Variants in SBF2 observed in about 807,000 individuals in gnomAD.
SBF2 encodes SET binding factor 2.
A neutral mutation model predicts 225.2 loss-of-function variants in SBF2; 112 were observed. The ratio of observed to expected loss-of-function variants is 0.50; its 90% confidence interval spans 0.43 to 0.58. The LOEUF (loss-of-function observed/expected upper bound fraction) is 0.58, where lower values mean the gene tolerates loss of function less well. Ranked by LOEUF, SBF2 falls within the 20% of genes least tolerant of loss-of-function variation. The pLI, the probability that SBF2 is intolerant of heterozygous loss-of-function variation, is 0.00. For missense variants in SBF2, 1,996 were observed against 2,206.2 expected, an observed-to-expected ratio of 0.90 and a Z score of 1.91; for synonymous variants, 763 against 773.3, an observed-to-expected ratio of 0.99 and a Z score of 0.22.
intron 3 of SBF2, among the ~76,000 whole-genome samples, chr11:10,037,598 C>G (rs1190055960): frequency 6.6e-6 from 1 of 151,804 alleles, no homozygotes; most frequent in Non-Finnish European, 1.5e-5. Flanking sequence ...ATTAATTAAA[C>G]CTACCTATAT....
chr11:10,137,735 G>C (rs181855830), intron 2 of SBF2, among the ~76,000 whole-genome samples: 1 of 152,216 alleles, frequency 6.6e-6, no homozygotes, highest in Admixed American at 6.5e-5. Flanking sequence ...GGCCGGGCGC[G>C]GTGGTTCACG....
intron 17 of SBF2, among the ~76,000 whole-genome samples, chr11:9,871,302 A>T (rs1858714235): frequency 6.6e-6 from 1 of 151,752 alleles, no homozygotes; most frequent in Non-Finnish European, 1.5e-5. Flanking sequence ...ACTTACAAGA[A>T]AAAAAGACCC....
At chr11:10,055,197 C>T (rs562616483) in intron 2 of SBF2, among the ~76,000 whole-genome samples, 99 of 152,076 alleles carry the variant, frequency 6.5e-4, no homozygotes, top group African/African-American at 2.2e-3. Flanking sequence ...CCACCAAGCC[C>T]GGTCAGAATG....
intron 1 of SBF2, among the ~76,000 whole-genome samples, chr11:10,195,047 G>A (rs1295721457): frequency 6.6e-6 from 1 of 152,180 alleles, no homozygotes; most frequent in African/African-American, 2.4e-5. Context: ...TACTGTTACT[G>A]GTTAAAGTTT....
intron 14 of SBF2, among the ~76,000 whole-genome samples, chr11:9,965,387 C>G (rs1327159495): frequency 2.7e-5 from 4 of 147,470 alleles, no homozygotes; most frequent in African/African-American, 2.5e-5. Context: ...CTCCCAGGTT[C>G]AAGTGATTCT....
At chr11:10,018,727 C>G (rs1308831142) in intron 6 of SBF2, among the ~76,000 whole-genome samples, 1 of 152,176 alleles carries the variant, frequency 6.6e-6, no homozygotes, top group African/African-American at 2.4e-5. Flanking sequence ...GCATAGTACA[C>G]CAGTCAACAA....
chr11:10,265,040 A>G (rs748162256), intron 1 of SBF2, among the ~76,000 whole-genome samples: 5 of 152,168 alleles, frequency 3.3e-5, no homozygotes, highest in African/African-American at 4.8e-5. Context: ...CGCAGTAAAC[A>G]TACGTGTGCA....
intron 1 of SBF2, among the ~76,000 whole-genome samples, chr11:10,223,864 G>A (rs147729229): frequency 3.3e-5 from 5 of 152,130 alleles, no homozygotes; most frequent in South Asian, 2.1e-4. Flanking sequence ...GCAGATACTC[G>A]CAAGACTTGA....
chr11:9,931,971 C>T (rs1182010122), intron 16 of SBF2, among the ~76,000 whole-genome samples: 2 of 152,028 alleles, frequency 1.3e-5, no homozygotes, highest in Non-Finnish European at 2.9e-5. Flanking sequence ...GGCACGAGAA[C>T]TTCGTGACGC....
At chr11:9,800,695 C>T (rs1853440866) in intron 32 of SBF2, among the ~76,000 whole-genome samples, 1 of 151,988 alleles carries the variant, frequency 6.6e-6, no homozygotes, top group South Asian at 2.1e-4. Flanking sequence ...GCGTGAGCCA[C>T]CGTGCCTGGC....
Position 9,992,933 on chromosome 11 carries a change from G to A in SBF2, c.1167+57C>T, listed in dbSNP as rs139290061. 1.2e-3 allele frequency: 1,571 copies of A among 1,276,072 alleles called. 22 individuals are homozygous for A. In the African/African-American group the frequency reaches 0.02, roughly 16 times the overall value. The allele number at this position is 1,276,072 out of a possible 1,614,324, so 79.0% of individuals were successfully genotyped here. A position where few individuals can be genotyped will look rare whatever the true frequency, so the allele number is the denominator to read the frequency against. ...AATGGCTCGGAAAAAAAACCAAGTAGTTTTATTAAATTAGAATATATTTTT... is the reference window on the plus strand; with the variant it reads ...AATGGCTCGGAAAAAAAACCAAGTAATTTTATTAAATTAGAATATATTTTT... On this transcript the variant is annotated intron_variant, in intron 11 of 39. Transcript: ENST00000256190.
intron 16 of SBF2, among the ~76,000 whole-genome samples, chr11:9,934,081 A>AAAATAAAT (rs56872212): frequency 0.78 from 117,971 of 150,440 alleles, 46,628 homozygotes; most frequent in African/African-American, 0.86. Context: ...GACTGTCTCA[A>AAAATAAAT]AAATAAATAA....
chr11:10,044,918 T>C (rs1261208846), intron 2 of SBF2, among the ~76,000 whole-genome samples: 1 of 152,136 alleles, frequency 6.6e-6, no homozygotes, highest in East Asian at 1.9e-4. Flanking sequence ...GCCTGAGTGC[T>C]GGTTTCACTT....
chr11:10,060,643 G>A (rs1950406525), intron 2 of SBF2, among the ~76,000 whole-genome samples: 1 of 152,112 alleles, frequency 6.6e-6, no homozygotes, highest in South Asian at 2.1e-4. Context: ...CAAAATACTT[G>A]CAAACTGAGT....
chr11:10,283,694 T>C (rs1591364817), intron 1 of SBF2, among the ~76,000 whole-genome samples: 1 of 152,224 alleles, frequency 6.6e-6, no homozygotes, highest in East Asian at 1.9e-4. Flanking sequence ...CAAATCTCAG[T>C]AAAAGAAAGT....
intron 14 of SBF2, among the ~76,000 whole-genome samples, chr11:9,967,929 CTGTCTG>C (rs1867036949): frequency 8.5e-6 from 1 of 117,342 alleles, no homozygotes; most frequent in South Asian, 3.0e-4. Flanking sequence ...GTCTGTCTGT[CTGTCTG>C]TCTGTCTGTC....
intron 17 of SBF2, among the ~76,000 whole-genome samples, chr11:9,895,733 G>A (rs886177882): frequency 1.3e-5 from 2 of 152,164 alleles, no homozygotes; most frequent in South Asian, 2.1e-4. Context: ...AGGATGTAAC[G>A]GGTGTGGGTG....
upstream of SBF2, among the ~76,000 whole-genome samples, chr11:10,299,009 GT>G (rs1362991024): frequency 6.6e-6 from 1 of 152,168 alleles, no homozygotes; most frequent in African/African-American, 2.4e-5. Context: ...TTGAGTGTGT[GT>G]TTGGGGTGCA....
chr11:10,094,216 G>C (rs1157719977), intron 2 of SBF2, among the ~76,000 whole-genome samples: 1 of 152,024 alleles, frequency 6.6e-6, no homozygotes, highest in Admixed American at 6.6e-5. Flanking sequence ...CCAGCTACTC[G>C]GCAGGCTGAA....
Sources: allele counts gnomAD v4.1 joint callset (sites outside exome capture counted in the v4.1 genomes callset), GRCh38; gene constraint gnomAD v4.1.1; transcripts MANE v1.5; gene names NCBI Gene and HGNC (gene_info 2026-07-23, HGNC 2026-07-21).